The following C8G variants were observed in gnomAD, a reference collection of about 807,000 sequenced individuals.
C8G encodes complement component C8 gamma chain.
A neutral mutation model predicts 29.1 loss-of-function variants in C8G; 38 were observed. The ratio of observed to expected loss-of-function variants is 1.31; its 90% CI spans 1.01 to 1.71. C8G has a LOEUF of 1.71. C8G is among the 40% of genes most tolerant of loss of function. The pLI, the probability that C8G is intolerant of heterozygous loss-of-function variation, is 0.00. For synonymous variants in C8G, 158 were observed against 113.2 expected (o/e 1.40, Z -2.51); for missense variants, 300 against 267.4 (o/e 1.12, Z -0.85).
At chr9:136,946,434 C>T in intron 4 of C8G, 31 bp from the exon 5 acceptor site, 2 of 1,555,684 alleles carry the variant, frequency 1.3e-6, no homozygotes, top group Non-Finnish European at 1.7e-6. Flanking sequence ...CGCCTGGTGC[C>T]AGGACCCCAG....
Position 136,946,344 on chromosome 9 carries a change from G to A in C8G, c.455-121G>A, listed in dbSNP as rs1331484601. The A allele has an allele frequency of 4.2e-6, 6 of 1,423,132 alleles. No individual in the cohort carries two copies. The South Asian group carries it at 5.6e-5, about 13-fold the overall frequency. The allele number at this position is 1,423,132 out of a possible 1,614,324, so 88.2% of individuals were successfully genotyped here. ...AGCAGGGGCCCAGGGAGTAGTGACAGACAGGCCTGGTGTGGGAGCAGGGAG... is the reference window on the plus strand; with the variant it reads ...AGCAGGGGCCCAGGGAGTAGTGACAAACAGGCCTGGTGTGGGAGCAGGGAG... On this transcript the variant is annotated intron_variant, in intron 4 of 6. Transcript: ENST00000371634.
In C8G at chr9:136,946,550, C is replaced by T; in HGVS notation, c.540C>T (p.Phe180=). The T allele has an allele frequency of 6.2e-7, 1 of 1,613,084 alleles. No homozygotes were observed. Among genetic ancestry groups the T allele is most frequent in the Non-Finnish European group, 8.5e-7 (1 of 1,179,866 alleles). The change falls in exon 5 of 7, where the codon TTC becomes TTT. Residue 180 remains phenylalanine (F), a synonymous_variant. Transcript: ENST00000371634. ...CCCACCTGACTGAGGACCAGATCTT[C>T]TACTTCCCCAAGTACGGTGAGTGTC... The part of the protein sequence containing the change: ...QEAHLTEDQI[F]YFPKYGFCEA...
Position 136,945,685 on chromosome 9 carries a change from C to T in C8G, c.190C>T (p.Gln64Ter). The T allele has an allele frequency of 6.2e-7, 1 of 1,605,344 alleles. No individual in the cohort carries two copies. Among genetic ancestry groups the T allele is most frequent in the Non-Finnish European group, 8.5e-7 (1 of 1,178,072 alleles). ...VAVGSACRFL[Q>*]EQGHRAEATT... ...TGTGGGCTCCGCTTGCCGTTTCCTGCAGGAGCAGGGCCACCGGGCCGAGGC... is the reference window on the plus strand; with the variant it reads ...TGTGGGCTCCGCTTGCCGTTTCCTGTAGGAGCAGGGCCACCGGGCCGAGGC... The change falls in exon 2 of 7, where the codon CAG becomes TAG. Residue 64 changes from glutamine to a stop codon, truncating the protein, a stop_gained. Transcript: ENST00000371634. LOFTEE classifies it high-confidence loss of function.
rs376465412 is a variant in C8G at position 136,946,566 on chromosome 9, G to A, written c.556G>A (p.Gly186Ser). The A allele has an allele frequency of 2.3e-5, 37 of 1,612,680 alleles. No individual in the cohort carries two copies. The highest frequency in any genetic ancestry group is 1.6e-4 in the Middle Eastern group (1 of 6,078). ...CCAGATCTTCTACTTCCCCAAGTACGGTGAGTGTCCCCAGCAGGTCCCCAG... is the reference window on the plus strand; with the variant it reads ...CCAGATCTTCTACTTCCCCAAGTACAGTGAGTGTCCCCAGCAGGTCCCCAG... ...EDQIFYFPKY[G>S]FCEAADQFHV... The change falls in exon 5 of 7, where the codon GGC (glycine) becomes AGC (serine). Residue 186 changes from glycine (G) to serine (S), a missense_variant and splice_region_variant. Coordinates refer to ENST00000371634, the MANE Select transcript of C8G (RefSeq NM_000606.3).
At chr9:136,945,530 G>A (rs1243373780) in intron 1 of C8G, 72 bp downstream of exon 1, 3 of 1,543,212 alleles carry the variant, frequency 1.9e-6, no homozygotes, top group African/African-American at 2.7e-5. Context: ...GGTAGAAGTT[G>A]TTGCGGGGGA....
rs751396128 is a variant in C8G, at chr9:136,946,163, G to A, written c.425G>A (p.Arg142Gln). Residue 142 changes from arginine to glutamine, a missense_variant, in exon 4 of 7, where the codon CGG (arginine) becomes CAG (glutamine). By Grantham distance (43) the Arg-to-Gln change is conservative. Coordinates refer to ENST00000371634, the MANE Select transcript of C8G (RefSeq NM_000606.3). Reference sequence around the variant, plus strand: ...AGTTTCGCTGTCCTGTACCTGGAGCGGGCGGGGCAGCTGTCAGTGAAGCTC... The same window carrying A: ...AGTTTCGCTGTCCTGTACCTGGAGCAGGCGGGGCAGCTGTCAGTGAAGCTC... ...YQSFAVLYLE[R>Q]AGQLSVKLYA... 13 of 1,567,624 alleles carry A rather than the reference G, an allele frequency of 8.3e-6. No homozygotes were observed. The highest frequency in any genetic ancestry group is 3.5e-5 in the South Asian group (3 of 84,888).
chr9:136,946,820 C>T lies in C8G; in HGVS notation c.*39C>T, dbSNP rs556014861. ...CTCCAGTGCTGAGAAGTCAGTGCCCCGAGAGACGACCCCACCAGTGGGGTG... is the reference window on the plus strand; with the variant it reads ...CTCCAGTGCTGAGAAGTCAGTGCCCTGAGAGACGACCCCACCAGTGGGGTG... On this transcript the variant is annotated 3_prime_UTR_variant, in exon 7 of 7. Coordinates refer to ENST00000371634, the MANE Select transcript of C8G (RefSeq NM_000606.3). 1.2e-4 allele frequency: 192 copies of T among 1,545,158 alleles called. No homozygotes were observed. Among genetic ancestry groups the T allele is most frequent in the African/African-American group, 1.2e-3 (90 of 73,500 alleles).
intron 5 of C8G, 41 bp from the exon 6 acceptor site, chr9:136,946,610 C>T (rs1417069695): frequency 1.2e-6 from 2 of 1,613,062 alleles, no homozygotes; most frequent in Admixed American, 1.7e-5. Context: ...CCCCCACTCT[C>T]TGGGCTGATG....
In C8G at chr9:136,946,770, G is replaced by C. The variant is rs1851055072; in HGVS notation, c.598G>C (p.Val200Leu). 6.3e-7 allele frequency: 1 copy of C among 1,595,172 alleles called. No homozygotes were observed. Among genetic ancestry groups the C allele is most frequent in the Non-Finnish European group, 8.5e-7 (1 of 1,174,502 alleles). Residue 200 changes from valine to leucine, a missense_variant and splice_region_variant, in exon 7 of 7, where the codon GTG becomes CTG. By Grantham distance (32) the Val-to-Leu change is conservative. Transcript: ENST00000371634. ...GCTGAGTCTCGTCTCTGCTGCAGAA[G>C]TGAGGAGGTGAGGCCGGCACACAGC... Reference protein sequence around the residue: ...AADQFHVLDEVRR With the variant: ...AADQFHVLDELRR
chr9:136,946,102 G>T lies in C8G; in HGVS notation c.364G>T (p.Ala122Ser). 2 of 1,601,758 alleles carry T rather than the reference G, an allele frequency of 1.2e-6. No individual in the cohort carries two copies. Among genetic ancestry groups the T allele is most frequent in the Non-Finnish European group, 1.7e-6 (2 of 1,172,396 alleles). The change falls in exon 4 of 7, where the codon GCT (alanine) becomes TCT (serine). Residue 122 changes from alanine to serine, a missense_variant. Coordinates refer to ENST00000371634, the MANE Select transcript of C8G (RefSeq NM_000606.3). The stretch of plus-strand genomic sequence containing the variant: ...TGCCCCAGCCCGAGACGCCCGAGGG[G>T]CTGTGCACGTGGTTGTCGCTGAGAC... ...FLLQARDARG[A>S]VHVVVAETDY...
At position 136,945,355 on chromosome 9, in the gene C8G, T is replaced by C; in HGVS notation, c.35T>C (p.Leu12Pro). Residue 12 changes from leucine to proline, a missense_variant, in exon 1 of 7, where the codon CTG becomes CCG. By Grantham distance (98) the Leu-to-Pro change is moderately conservative. Transcript: ENST00000371634. Reference sequence around the variant, plus strand: ...CCTGGGACTGCGACCCTCTTGACTCTGCTCCTGGCAGCTGGCTCGCTGGGC... The same window carrying C: ...CCTGGGACTGCGACCCTCTTGACTCCGCTCCTGGCAGCTGGCTCGCTGGGC... ...LPPGTATLLT[L>P]LLAAGSLGQK... 1.2e-6 allele frequency: 2 copies of C among 1,613,076 alleles called. No individual in the cohort carries two copies. The highest frequency in any genetic ancestry group is 1.7e-6 in the Non-Finnish European group (2 of 1,179,928).
In C8G at chr9:136,945,781, G is replaced by T. The variant is rs755360923; in HGVS notation, c.275+11G>T. The T allele has an allele frequency of 6.5e-7, 1 of 1,547,810 alleles. No homozygotes were observed. Among genetic ancestry groups the T allele is most frequent in the South Asian group, 1.2e-5 (1 of 84,520 alleles). On this transcript the variant is annotated intron_variant, in intron 2 of 6. Transcript: ENST00000371634. ...TACCTTCCGAAAGCTGTGAGTCCCA[G>T]AGCAGCCCTGCACCCTAACCCCAAC...
chr9:136,946,713 T>A, intron 6 of C8G, 24 bp downstream of exon 6: 2 of 1,610,798 alleles, frequency 1.2e-6, no homozygotes, highest in Non-Finnish European at 8.5e-7. Flanking sequence ...GGGGCAAGCA[T>A]GGCGGCGTGG....
In C8G at chr9:136,946,163, G is replaced by C. The variant is rs751396128; in HGVS notation, c.425G>C (p.Arg142Pro). 1.9e-6 allele frequency: 3 copies of C among 1,567,624 alleles called. No homozygotes were observed. The highest frequency in any genetic ancestry group is 2.3e-5 in the East Asian group (1 of 44,406). ...YQSFAVLYLE[R>P]AGQLSVKLYA... Reference sequence around the variant, plus strand: ...AGTTTCGCTGTCCTGTACCTGGAGCGGGCGGGGCAGCTGTCAGTGAAGCTC... The same window carrying C: ...AGTTTCGCTGTCCTGTACCTGGAGCCGGCGGGGCAGCTGTCAGTGAAGCTC... Residue 142 changes from arginine to proline, a missense_variant, in exon 4 of 7, where the codon CGG (arginine) becomes CCG (proline). Transcript: ENST00000371634.
chr9:136,946,371 G>C, intron 4 of C8G, 94 bp from the exon 5 acceptor site: 1 of 1,461,674 alleles, frequency 6.8e-7, no homozygotes, highest in Non-Finnish European at 9.1e-7. Context: ...AGCAGGGAGA[G>C]GGCCCCGAGG....
In C8G at chr9:136,945,525, A is replaced by T. The variant is rs1016084107; in HGVS notation, c.138+67A>T. On this transcript the variant is annotated intron_variant, in intron 1 of 6. Coordinates refer to ENST00000371634, the MANE Select transcript of C8G (RefSeq NM_000606.3). ...GGGAGGGGTAGAGGGAGACAGGTAG[A>T]AGTTGTTGCGGGGGAGAGGGAAGCA... 92 of 1,132,760 alleles carry T rather than the reference A, an allele frequency of 8.1e-5. No homozygotes were observed. In the African/African-American group the frequency reaches 1.8e-3, roughly 22 times the overall value. 70.2% of individuals were successfully genotyped at this position (1,132,760 alleles called of 1,614,324 possible). A position where few individuals can be genotyped will look rare whatever the true frequency, so the allele number is the denominator to read the frequency against.
chr9:136,946,633 C>T lies in C8G; in HGVS notation c.557-18C>T. ...CTCTGGGCTGATGTCCAGCCTGACC[C>T]CTGCCTTGGGCCCCCAGGCTTCTGC... On this transcript the variant is annotated intron_variant, in intron 5 of 6. Transcript: ENST00000371634. 1.2e-5 allele frequency: 20 copies of T among 1,613,228 alleles called. No individual in the cohort carries two copies. Among genetic ancestry groups the T allele is most frequent in the Non-Finnish European group, 1.7e-5 (20 of 1,179,930 alleles).
rs764742363 is a variant in C8G at position 136,945,396 on chromosome 9, C to G, written c.76C>G (p.Pro26Ala). Residue 26 changes from proline (P) to alanine (A), a missense_variant, in exon 1 of 7, where the codon CCA (proline) becomes GCA (alanine). Pro to Ala is a conservative substitution (Grantham distance 27). Transcript: ENST00000371634. ...CTCGCTGGGCCAGAAGCCTCAGAGG[C>G]CACGCCGGCCCGCATCCCCCATCAG... ...AGSLGQKPQR[P>A]RRPASPISTI... 3 of 1,608,102 alleles carry G rather than the reference C, an allele frequency of 1.9e-6. No homozygotes were observed. The African/African-American group carries it at 4.0e-5, about 21-fold the overall frequency.
Position 136,945,782 on chromosome 9 carries a change from A to G in C8G, c.275+12A>G, listed in dbSNP as rs1851015509. ...ACCTTCCGAAAGCTGTGAGTCCCAG[A>G]GCAGCCCTGCACCCTAACCCCAACC... On this transcript the variant is annotated intron_variant, in intron 2 of 6. Transcript: ENST00000371634. 1 of 1,547,872 alleles carries G rather than the reference A, an allele frequency of 6.5e-7. No homozygotes were observed. Among genetic ancestry groups the G allele is most frequent in the Non-Finnish European group, 8.7e-7 (1 of 1,147,304 alleles).
Sources: allele counts gnomAD v4.1 joint callset, GRCh38; gene constraint gnomAD v4.1.1; transcripts MANE v1.5; gene names NCBI Gene and HGNC (gene_info 2026-07-23, HGNC 2026-07-21).